The following SPAST variants were observed in gnomAD, a reference collection of about 807,000 sequenced individuals.
The protein encoded by SPAST is spastic paraplegia 4 (autosomal dominant; spastin).
SPAST carries 30 observed loss-of-function variants against 76.6 expected under a neutral mutation model. The ratio of observed to expected loss-of-function variants is 0.39; its 90% CI spans 0.29 to 0.53. SPAST has a LOEUF of 0.53. SPAST is among the 20% of genes least tolerant of loss of function. The pLI is 0.68. For missense variants in SPAST, 717 were observed against 770.5 expected (o/e 0.93, Z 0.82); for synonymous variants, 305 against 281.0 (o/e 1.09, Z -0.86).
chr2:32,098,159 T>C (rs1428802179), intron 3 of SPAST, among the ~76,000 whole-genome samples: 1 of 152,084 alleles, frequency 6.6e-6, no homozygotes, highest in Non-Finnish European at 1.5e-5. Context: ...ATGGTAGAAA[T>C]TGATTCATTT....
chr2:32,091,657 C>G (rs1471984626), intron 3 of SPAST, among the ~76,000 whole-genome samples: 6 of 151,048 alleles, frequency 4.0e-5, no homozygotes, highest in Non-Finnish European at 8.9e-5. Context: ...ACGGTGAAAC[C>G]CCGTCTCTAG....
intron 1 of SPAST, among the ~76,000 whole-genome samples, chr2:32,081,872 T>C (rs1435225256): frequency 6.6e-6 from 1 of 151,216 alleles, no homozygotes; most frequent in Non-Finnish European, 1.5e-5. Flanking sequence ...ATTTCGATAA[T>C]TTTTAAAATA....
chr2:32,063,959 A>G lies in SPAST; in HGVS notation c.128A>G (p.Glu43Gly), dbSNP rs1307698387. The G allele has an allele frequency of 6.2e-7, 1 of 1,611,338 alleles. No individual in the cohort carries two copies. The highest frequency in any genetic ancestry group is 1.7e-5 in the Admixed American group (1 of 59,858). Residue 43 changes from glutamate (E) to glycine (G), a missense_variant, in exon 1 of 17, where the codon GAG (glutamate) becomes GGG (glycine). By Grantham distance (98) the Glu-to-Gly change is moderately conservative. Transcript: ENST00000315285. The stretch of plus-strand genomic sequence containing the variant: ...GCCGCCGGGCCGGCCCCTCCGCCCG[A>G]GTCGCCGCATAAGCGGAACCTGTAC... ...PPAAGPAPPP[E>G]SPHKRNLYYF...
At chr2:32,153,065 GTT>G (rs1403193679) in intron 16 of SPAST, among the ~76,000 whole-genome samples, 3 of 151,780 alleles carry the variant, frequency 2.0e-5, no homozygotes, top group African/African-American at 7.3e-5. Context: ...TTAACTATAT[GTT>G]TTTTTCTTTT....
chr2:32,137,734 A>G (rs1185934564), intron 12 of SPAST, among the ~76,000 whole-genome samples: 1 of 151,952 alleles, frequency 6.6e-6, no homozygotes, highest in African/African-American at 2.4e-5. Context: ...TCTTTACTGG[A>G]TGGGTTACGT....
chr2:32,106,460 ACTGT>A (rs1453576462), intron 4 of SPAST, among the ~76,000 whole-genome samples: 42 of 152,016 alleles, frequency 2.8e-4, no homozygotes, highest in Non-Finnish European at 4.1e-4. Flanking sequence ...GGCTGCACCC[ACTGT>A]CTGACAATCC....
intron 4 of SPAST, among the ~76,000 whole-genome samples, chr2:32,110,714 TATATAGTATAC>T (rs967000828): frequency 4.1e-4 from 55 of 134,338 alleles, no homozygotes; most frequent in Non-Finnish European, 7.8e-4. Flanking sequence ...CATAGTATAC[TATATAGTATAC>T]ATATAGTACA....
chr2:32,128,598 A>C, intron 9 of SPAST, 119 bp downstream of exon 9: 2 of 717,224 alleles, frequency 2.8e-6, no homozygotes, highest in South Asian at 3.0e-5. Flanking sequence ...TATTGTATCT[A>C]TTATTTACAT....
intron 1 of SPAST, among the ~76,000 whole-genome samples, chr2:32,068,359 T>C (rs1327170503): frequency 6.6e-6 from 1 of 150,556 alleles, no homozygotes; most frequent in Non-Finnish European, 1.5e-5. Context: ...TCTCGCTTCT[T>C]CACCCAGGCT....
intron 4 of SPAST, among the ~76,000 whole-genome samples, chr2:32,113,675 C>T (rs1455696673): frequency 3.4e-5 from 5 of 148,898 alleles, no homozygotes; most frequent in African/African-American, 1.2e-4. Flanking sequence ...AAGTGATTCT[C>T]CTGCCTCAGC....
intron 7 of SPAST, among the ~76,000 whole-genome samples, chr2:32,124,832 G>C (rs768113874): frequency 1.3e-5 from 2 of 152,182 alleles, no homozygotes; most frequent in Non-Finnish European, 2.9e-5. Context: ...TGATGTTTTG[G>C]AAAAGGCAAA....
At chr2:32,120,773 A>C (rs1377357334) in intron 7 of SPAST, among the ~76,000 whole-genome samples, 1 of 151,450 alleles carries the variant, frequency 6.6e-6, no homozygotes. Context: ...CACTTTCATG[A>C]TTTATTTTCT....
intron 1 of SPAST, 24 bp downstream of exon 1, chr2:32,064,270 GGC>G: frequency 6.6e-7 from 1 of 1,515,524 alleles, no homozygotes; most frequent in Non-Finnish European, 8.9e-7. Flanking sequence ...TGGGGGAGGG[GGC>G]GGCGGCGCCG....
chr2:32,125,490 T>C (rs1392555740), intron 7 of SPAST, among the ~76,000 whole-genome samples: 3 of 152,144 alleles, frequency 2.0e-5, no homozygotes, highest in Non-Finnish European at 2.9e-5. Context: ...CCCAAAGTGC[T>C]GTGATTATAG....
chr2:32,098,721 A>C (rs745560802), intron 3 of SPAST, 75 bp from the exon 4 acceptor site: 53 of 975,686 alleles, frequency 5.4e-5, no homozygotes, highest in Non-Finnish European at 8.1e-5. Context: ...GTCATTTCAC[A>C]TGCACATTTT....
At chr2:32,102,288 A>G (rs1481889231) in intron 4 of SPAST, among the ~76,000 whole-genome samples, 8 of 152,160 alleles carry the variant, frequency 5.3e-5, no homozygotes, top group Non-Finnish European at 1.2e-4. Flanking sequence ...TTATTGGTGT[A>G]TAGGAATGCT....
At chr2:32,077,020 C>T (rs1000221065) in intron 1 of SPAST, among the ~76,000 whole-genome samples, 36 of 152,138 alleles carry the variant, frequency 2.4e-4, no homozygotes, top group South Asian at 2.1e-4. Context: ...GAATTACAGG[C>T]GCCTGCCACC....
chr2:32,076,469 A>G (rs1676965711), intron 1 of SPAST, among the ~76,000 whole-genome samples: 1 of 151,924 alleles, frequency 6.6e-6, no homozygotes, highest in South Asian at 2.1e-4. Flanking sequence ...CAATCCTCCT[A>G]CCTCAGTCTT....
chr2:32,113,953 T>G (rs1357365670), intron 4 of SPAST, among the ~76,000 whole-genome samples: 3 of 151,928 alleles, frequency 2.0e-5, no homozygotes, highest in Non-Finnish European at 4.4e-5. Context: ...TTTTGTTTTT[T>G]TTTTTATTTG....
Sources: allele counts gnomAD v4.1 joint callset (sites outside exome capture counted in the v4.1 genomes callset), GRCh38; gene constraint gnomAD v4.1.1; transcripts MANE v1.5; gene names NCBI Gene and HGNC (gene_info 2026-07-23, HGNC 2026-07-21).